The following CNTNAP2 variants were observed in gnomAD, a reference collection of about 807,000 sequenced individuals.
CNTNAP2 encodes contactin associated protein 2.
A neutral mutation model predicts 155.2 loss-of-function variants in CNTNAP2; 98 were observed. The ratio of observed to expected loss-of-function variants is 0.63; its 90% CI spans 0.54 to 0.75. The LOEUF (loss-of-function observed/expected upper bound fraction) is 0.75, where lower values mean the gene tolerates loss of function less well. CNTNAP2 is among the 30% of genes least tolerant of loss of function. The pLI is 0.00. For missense variants in CNTNAP2, 1,727 were observed against 1,688.1 expected (o/e 1.02, Z -0.40); for synonymous variants, 651 against 631.2 (o/e 1.03, Z -0.47).
At chr7:146,331,444 G>A (rs1171822461) in intron 1 of CNTNAP2, among the ~76,000 whole-genome samples, 1 of 152,152 alleles carries the variant, frequency 6.6e-6, no homozygotes, top group Non-Finnish European at 1.5e-5. Flanking sequence ...AAGCAGAAGA[G>A]GACTTTGAAC....
intron 12 of CNTNAP2, among the ~76,000 whole-genome samples, chr7:147,631,855 G>A (rs1384246998): frequency 6.6e-6 from 1 of 152,184 alleles, no homozygotes; most frequent in Non-Finnish European, 1.5e-5. Context: ...AGACTTAAAT[G>A]TAAGTCCTGA....
intron 13 of CNTNAP2, among the ~76,000 whole-genome samples, chr7:147,696,588 A>G (rs1203495062): frequency 6.6e-6 from 1 of 152,066 alleles, no homozygotes; most frequent in Non-Finnish European, 1.5e-5. Flanking sequence ...TCCCTTAATC[A>G]TTCTTTAGCG....
intron 3 of CNTNAP2, among the ~76,000 whole-genome samples, chr7:146,967,293 C>A (rs1292136782): frequency 1.3e-5 from 2 of 152,010 alleles, no homozygotes; most frequent in African/African-American, 2.4e-5. Flanking sequence ...TATATATTTC[C>A]TTTCAAACAA....
At chr7:146,957,402 CAT>C (rs1191869763) in intron 3 of CNTNAP2, among the ~76,000 whole-genome samples, 2 of 152,188 alleles carry the variant, frequency 1.3e-5, no homozygotes, top group Non-Finnish European at 2.9e-5. Flanking sequence ...CGTTATGTGG[CAT>C]ATGACTGTAC....
chr7:146,422,714 G>A (rs1215521897), intron 1 of CNTNAP2, among the ~76,000 whole-genome samples: 1 of 152,038 alleles, frequency 6.6e-6, no homozygotes, highest in African/African-American at 2.4e-5. Context: ...TTGAACTCCT[G>A]GGGCTCAAGC....
intron 21 of CNTNAP2, among the ~76,000 whole-genome samples, chr7:148,308,863 G>T (rs1563035605): frequency 6.6e-6 from 1 of 152,038 alleles, no homozygotes; most frequent in Non-Finnish European, 1.5e-5. Flanking sequence ...TGCTGAGAAT[G>T]ATGGTTTCCA....
chr7:146,503,181 CT>C (rs535143412), intron 1 of CNTNAP2, among the ~76,000 whole-genome samples: 11 of 152,182 alleles, frequency 7.2e-5, no homozygotes, highest in African/African-American at 2.4e-4. Flanking sequence ...AGTAAAGAAG[CT>C]TTTTTATTTG....
chr7:146,897,491 C>T (rs763036102), intron 3 of CNTNAP2, among the ~76,000 whole-genome samples: 8 of 152,030 alleles, frequency 5.3e-5, no homozygotes, highest in Non-Finnish European at 1.2e-4. Flanking sequence ...CAAAAGCCAC[C>T]AGCTCGAGAC....
intron 3 of CNTNAP2, among the ~76,000 whole-genome samples, chr7:146,940,475 G>A (rs890004676): frequency 6.6e-6 from 1 of 152,046 alleles, no homozygotes; most frequent in Non-Finnish European, 1.5e-5. Flanking sequence ...TTACAGGCGT[G>A]AGCCACCGCA....
intron 4 of CNTNAP2, among the ~76,000 whole-genome samples, chr7:147,050,304 C>A (rs1050512061): frequency 1.3e-5 from 2 of 152,106 alleles, no homozygotes; most frequent in Non-Finnish European, 2.9e-5. Flanking sequence ...TTTTAAAAAG[C>A]CAAACACAGT....
chr7:148,306,436 T>G (rs1225203863), intron 21 of CNTNAP2, among the ~76,000 whole-genome samples: 2 of 152,218 alleles, frequency 1.3e-5, no homozygotes, highest in Non-Finnish European at 2.9e-5. Context: ...TATTCAGCTA[T>G]CAGACCCCAT....
intron 11 of CNTNAP2, among the ~76,000 whole-genome samples, chr7:147,543,786 C>A (rs2116749873): frequency 1.3e-5 from 2 of 152,206 alleles, no homozygotes; most frequent in Admixed American, 1.3e-4. Context: ...CATGGCGAGC[C>A]TCAGGATTCC....
chr7:147,912,247 A>T (rs1277926667), intron 14 of CNTNAP2, among the ~76,000 whole-genome samples: 1 of 152,208 alleles, frequency 6.6e-6, no homozygotes, highest in Non-Finnish European at 1.5e-5. Context: ...GTAAATGCTC[A>T]AGAAATATTG....
intron 1 of CNTNAP2, among the ~76,000 whole-genome samples, chr7:146,721,739 T>A (rs1171959951): frequency 7.7e-6 from 1 of 129,802 alleles, no homozygotes; most frequent in Non-Finnish European, 1.5e-5. Flanking sequence ...CATTATATAT[T>A]CTATATATAT....
intron 1 of CNTNAP2, among the ~76,000 whole-genome samples, chr7:146,351,088 G>C (rs1173746198): frequency 6.6e-6 from 1 of 150,938 alleles, no homozygotes; most frequent in Admixed American, 6.6e-5. Context: ...TAAATGATGA[G>C]TTAATGGGTG....
intron 1 of CNTNAP2, among the ~76,000 whole-genome samples, chr7:146,239,220 C>T (rs1278012805): frequency 6.6e-6 from 1 of 150,570 alleles, no homozygotes; most frequent in Admixed American, 6.6e-5. Flanking sequence ...TGGCATTTTC[C>T]CCCCTGATGT....
Position 147,132,507 on chromosome 7 carries a change from C to T in CNTNAP2, c.1346C>T (p.Ser449Leu). ...AAGATGAGCCAAATCGATATTTCCTCAGGTCAGTGAAACCTATTTGACATT... is the reference window on the plus strand; with the variant it reads ...AAGATGAGCCAAATCGATATTTCCTTAGGTCAGTGAAACCTATTTGACATT... Reference protein sequence around the residue: ...QTKMSQIDISSGSGLNDGQWH... With the variant: ...QTKMSQIDISLGSGLNDGQWH... The change falls in exon 8 of 24, where the codon TCA becomes TTA. Residue 449 changes from serine to leucine, a missense_variant and splice_region_variant. Physicochemically the swap from Ser to Leu is moderately radical, Grantham distance 145. Transcript: ENST00000361727. The T allele has an allele frequency of 1.2e-6, 2 of 1,613,478 alleles. No individual in the cohort carries two copies. Among genetic ancestry groups the T allele is most frequent in the South Asian group, 1.1e-5 (1 of 91,048 alleles).
intron 5 of CNTNAP2, among the ~76,000 whole-genome samples, chr7:147,112,528 T>C (rs909150211): frequency 2.6e-5 from 4 of 152,186 alleles, no homozygotes; most frequent in African/African-American, 9.7e-5. Flanking sequence ...GCTCTTACTA[T>C]TTTGAGGTAT....
intron 13 of CNTNAP2, among the ~76,000 whole-genome samples, chr7:147,828,900 AATG>A (rs541371227): frequency 6.4e-4 from 98 of 152,296 alleles, no homozygotes; most frequent in African/African-American, 2.2e-3. Flanking sequence ...CCTACATAAT[AATG>A]GTACTATATT....
Sources: allele counts gnomAD v4.1 joint callset (sites outside exome capture counted in the v4.1 genomes callset), GRCh38; gene constraint gnomAD v4.1.1; transcripts MANE v1.5; gene names NCBI Gene and HGNC (gene_info 2026-07-23, HGNC 2026-07-21).